C9orf72: variants seen among roughly 807,000 people sequenced by gnomAD.
C9orf72 encodes C9orf72-SMCR8 complex subunit.
A neutral mutation model predicts 51.6 loss-of-function variants in C9orf72; 44 were observed. That is an observed-to-expected ratio of 0.85 (90% confidence interval 0.67 to 1.10). The LOEUF is 1.10. Among genes scored for constraint, C9orf72 ranks in the 50% least tolerant of loss-of-function variants. The probability of loss-of-function intolerance (pLI) is 0.00; values close to 1 mark genes in which losing one functional copy is unlikely to be tolerated. For synonymous variants in C9orf72, 213 were observed against 194.2 expected (o/e 1.10, Z -0.81); for missense variants, 607 against 570.6 (o/e 1.06, Z -0.65).
chr9:27,563,727 C>G (rs766628294), intron 3 of C9orf72, among the ~76,000 whole-genome samples: 3 of 151,894 alleles, frequency 2.0e-5, no homozygotes, highest in Non-Finnish European at 4.4e-5. Flanking sequence ...TGCCCATTTG[C>G]ATAATGCTGA....
rs2131545587 is a variant in C9orf72 at position 27,567,057 on chromosome 9, T to C, written c.64A>G (p.Lys22Glu). The change falls in exon 2 of 11, where the codon AAA (lysine) becomes GAA (glutamate). Residue 22 changes from lysine to glutamate, a missense_variant. Physicochemically the swap from Lys to Glu is moderately conservative, Grantham distance 56. Coordinates refer to ENST00000380003, the MANE Select transcript of C9orf72 (RefSeq NM_018325.5). ...VAKTEIALSG[K>E]SPLLAATFAY... is the part of the protein sequence containing the mutation. Reference sequence around the variant, plus strand: ...AAAGTAGCTGCTAATAAAGGTGATTTGCCACTTAAAGCAATCTCTGTCTTG... The same window carrying C: ...AAAGTAGCTGCTAATAAAGGTGATTCGCCACTTAAAGCAATCTCTGTCTTG... 1 of 1,614,050 alleles carries C rather than the reference T, an allele frequency of 6.2e-7. No homozygotes were observed. Among genetic ancestry groups the C allele is most frequent in the East Asian group, 2.2e-5 (1 of 44,880 alleles).
chr9:27,561,589 G>A lies in C9orf72; in HGVS notation c.661C>T (p.Leu221Phe). 9 of 1,612,256 alleles carry A rather than the reference G, an allele frequency of 5.6e-6. No individual in the cohort carries two copies. Among genetic ancestry groups the A allele is most frequent in the African/African-American group, 1.3e-5 (1 of 74,904 alleles). The change falls in exon 5 of 11, where the codon CTC becomes TTC. Residue 221 changes from leucine (L) to phenylalanine (F), a missense_variant. Leu to Phe is a conservative substitution (Grantham distance 22, BLOSUM62 0). Transcript: ENST00000380003. ...IGDSCHEGFLLNAISSHLQTC... is the reference protein window; with the variant it reads ...IGDSCHEGFLFNAISSHLQTC... ...TATGAAAAGAAAAATTCTTACTTGA[G>A]AAGAAAGCCTTCATGACAGCTGTCA...
chr9:27,550,331 A>G (rs903509464), intron 9 of C9orf72, among the ~76,000 whole-genome samples: 1 of 151,972 alleles, frequency 6.6e-6, no homozygotes, highest in Middle Eastern at 3.4e-3. Flanking sequence ...TGTTTCAAAA[A>G]ACAGTAGTTG....
At chr9:27,561,271 T>C (rs1819340316) in intron 5 of C9orf72, 7 of 1,120,220 alleles carry the variant, frequency 6.2e-6, no homozygotes, top group Non-Finnish European at 7.7e-6. Flanking sequence ...TCATCTACAG[T>C]ACAACTTAAT....
intron 4 of C9orf72, 123 bp downstream of exon 4, chr9:27,562,258 T>C: frequency 2.6e-6 from 1 of 391,888 alleles, no homozygotes; most frequent in Non-Finnish European, 4.5e-6. Context: ...TGGCTAATAC[T>C]GTATGTGAAT....
At chr9:27,559,426 T>C (rs191672558) in intron 6 of C9orf72, 1 of 152,150 alleles carries the variant, frequency 6.6e-6, no homozygotes, top group East Asian at 1.9e-4. Context: ...GTAGATGCAA[T>C]ATAATGACAC....
At chr9:27,565,446 C>T in intron 3 of C9orf72, 85 bp downstream of exon 3, 1 of 848,950 alleles carries the variant, frequency 1.2e-6, no homozygotes, top group Non-Finnish European at 1.9e-6. Flanking sequence ...TCGTATGTCT[C>T]CAAGGCCTTG....
intron 7 of C9orf72, among the ~76,000 whole-genome samples, chr9:27,558,038 A>G (rs1448342277): frequency 1.3e-5 from 2 of 150,114 alleles, no homozygotes; most frequent in Non-Finnish European, 3.0e-5. Context: ...CAAATAAAAG[A>G]AAAATACAAT....
Position 27,547,265 on chromosome 9 carries a change from A to G in C9orf72, c.*971T>C, listed in dbSNP as rs1820787057. On this transcript the variant is annotated 3_prime_UTR_variant, in exon 11 of 11. Transcript: ENST00000380003. ...AAGGAACTATTTTCTGTTTCTGAAA[A>G]AAAGATCTTATTAGTTAGTATATTC... The G allele has an allele frequency of 6.5e-6, 1 of 152,674 alleles. No individual in the cohort carries two copies. Among genetic ancestry groups the G allele is most frequent in the Admixed American group, 6.5e-5 (1 of 15,286 alleles). 9.5% of individuals were successfully genotyped at this position (152,674 alleles called of 1,614,324 possible).
chr9:27,565,227 T>C (rs984441463), intron 3 of C9orf72, among the ~76,000 whole-genome samples: 14 of 152,048 alleles, frequency 9.2e-5, no homozygotes, highest in African/African-American at 3.4e-4. Context: ...TTAAAGAACA[T>C]ATCAGAGACA....
chr9:27,550,659 G>A lies in C9orf72; in HGVS notation c.1140C>T (p.Phe380=). 1 of 1,582,164 alleles carries A rather than the reference G, an allele frequency of 6.3e-7. No individual in the cohort carries two copies. The highest frequency in any genetic ancestry group is 8.6e-7 in the Non-Finnish European group (1 of 1,157,738). ...CAAGTTCAACATTTACCTGATCCAGGAAGGCTTTCACTAGAGTGTCTCTGT... is the reference window on the plus strand; with the variant it reads ...CAAGTTCAACATTTACCTGATCCAGAAAGGCTTTCACTAGAGTGTCTCTGT... The part of the protein sequence containing the change: ...VLHRDTLVKA[F]LDQVFQLKPG... Residue 380 remains phenylalanine (F), a synonymous_variant, in exon 9 of 11, where the codon TTC becomes TTT. Transcript: ENST00000380003.
chr9:27,551,812 T>TA (rs1190228188), intron 8 of C9orf72, among the ~76,000 whole-genome samples: 2 of 152,224 alleles, frequency 1.3e-5, no homozygotes, highest in East Asian at 1.9e-4. Flanking sequence ...AGCAAGGTGT[T>TA]AAAAAAGAAC....
At position 27,548,030 on chromosome 9, in the gene C9orf72, A is replaced by G. The variant is rs1462592627; in HGVS notation, c.*206T>C. 7.5e-6 allele frequency: 3 copies of G among 398,998 alleles called. No individual in the cohort carries two copies. The East Asian group carries it at 1.1e-4, about 15-fold the overall frequency. The allele number at this position is 398,998 out of a possible 1,614,324, so 24.7% of individuals were successfully genotyped here. A position where few individuals can be genotyped will look rare whatever the true frequency, so the allele number is the denominator to read the frequency against. ...AAACATAGGTCTGTATCCCAAAAGC[A>G]TAAATCTAGGAAAAGAGACACCCAA... On this transcript the variant is annotated 3_prime_UTR_variant, in exon 11 of 11. Transcript: ENST00000380003.
At chr9:27,563,756 A>G (rs973538614) in intron 3 of C9orf72, among the ~76,000 whole-genome samples, 1 of 152,176 alleles carries the variant, frequency 6.6e-6, no homozygotes, top group Admixed American at 6.5e-5. Context: ...TTTAAAAAAA[A>G]ACCATCCTTT....
chr9:27,565,533 G>T lies in C9orf72; in HGVS notation c.502C>A (p.Gln168Lys). The change falls in exon 3 of 11, where the codon CAG becomes AAG. Residue 168 changes from glutamine (Q) to lysine (K), a missense_variant and splice_region_variant. Physicochemically the swap from Gln to Lys is moderately conservative, Grantham distance 53 (BLOSUM62 1). Transcript: ENST00000380003. ...ILEGTERMED[Q>K]GQSIIPMLTG... ...GACAGTATGCAATTTGCATATACCTGATCTTCCATTCTCTCTGTGCCTTCT... is the reference window on the plus strand; with the variant it reads ...GACAGTATGCAATTTGCATATACCTTATCTTCCATTCTCTCTGTGCCTTCT... 2 of 1,594,682 alleles carry T rather than the reference G, an allele frequency of 1.3e-6. No homozygotes were observed. The highest frequency in any genetic ancestry group is 3.3e-5 in the Admixed American group (2 of 59,774).
intron 7 of C9orf72, 115 bp from the exon 8 acceptor site, chr9:27,556,911 T>A: frequency 1.4e-6 from 1 of 704,582 alleles, no homozygotes; most frequent in Non-Finnish European, 2.4e-6. Context: ...AAATTTATCC[T>A]AAGAAGCTAT....
chr9:27,556,418 T>A lies in C9orf72; in HGVS notation c.1091+143A>T, dbSNP rs531775089. The A allele has an allele frequency of 6.9e-5, 42 of 610,960 alleles. No homozygotes were observed. In the South Asian group the frequency reaches 8.4e-4, roughly 12 times the overall value. The allele number at this position is 610,960 out of a possible 1,614,324, so 37.8% of individuals were successfully genotyped here. On this transcript the variant is annotated intron_variant, in intron 8 of 10. Coordinates refer to ENST00000380003, the MANE Select transcript of C9orf72 (RefSeq NM_018325.5). ...AAAAGAAGAACATTTAAGAAAAAAA[T>A]GCTTGATTAAATGTTTCTTCAAGCA... is the stretch of plus-strand genomic sequence containing the variant.
intron 2 of C9orf72, 35 bp downstream of exon 2, chr9:27,566,642 G>A (rs548535398): frequency 8.3e-6 from 12 of 1,443,452 alleles, no homozygotes; most frequent in South Asian, 2.6e-5. Flanking sequence ...TCAACAGATA[G>A]GTTAACATGA....
chr9:27,552,411 G>A (rs1343552280), intron 8 of C9orf72, among the ~76,000 whole-genome samples: 1 of 151,826 alleles, frequency 6.6e-6, no homozygotes, highest in Non-Finnish European at 1.5e-5. Context: ...GCGGTGGCAT[G>A]ATCTCAGCTC....
Sources: gnomAD v4.1 joint callset for allele counts (sites outside exome capture counted in the v4.1 genomes callset) on GRCh38, gnomAD v4.1.1 for gene constraint, MANE v1.5 for transcripts, NCBI Gene and HGNC (gene_info 2026-07-23, HGNC 2026-07-21) for gene names.